Variants in MORC2 observed in about 807,000 individuals in gnomAD.
MORC2 encodes the protein MORC family CW-type zinc finger 2.
MORC2 carries 30 observed loss-of-function variants against 136.0 expected under a neutral mutation model. The ratio of observed to expected loss-of-function variants is 0.22; its 90% confidence interval spans 0.17 to 0.30. The LOEUF (loss-of-function observed/expected upper bound fraction) is 0.30. Ranked by LOEUF, MORC2 falls within the 10% of genes least tolerant of loss-of-function variation. MORC2 has a pLI of 1.00. For synonymous variants in MORC2, 439 were observed against 487.0 expected, an observed-to-expected ratio of 0.90 and a Z score of 1.30; for missense variants, 922 against 1,333.1, an observed-to-expected ratio of 0.69 and a Z score of 4.80.
intron 25 of MORC2, among the ~76,000 whole-genome samples, chr22:30,927,174 C>G (rs188565768): frequency 6.6e-6 from 1 of 152,214 alleles, no homozygotes; most frequent in Non-Finnish European, 1.5e-5. Context: ...CTGTCACTGC[C>G]CAAGGTCCAG....
chr22:30,964,665 T>A (rs370117468), intron 1 of MORC2, among the ~76,000 whole-genome samples: 1 of 152,224 alleles, frequency 6.6e-6, no homozygotes, highest in East Asian at 1.9e-4. Context: ...ACATCTGATG[T>A]TAAATTAACT....
At chr22:30,940,994 G>T (rs1265118545) in intron 9 of MORC2, among the ~76,000 whole-genome samples, 157 bp from the exon 10 acceptor site, 1 of 152,140 alleles carries the variant, frequency 6.6e-6, no homozygotes, top group Non-Finnish European at 1.5e-5. Flanking sequence ...GCAAAAAGGT[G>T]CAGTTCCTTA....
chr22:30,933,639 A>C (rs2040609325), intron 20 of MORC2, 119 bp from the exon 21 acceptor site: 2 of 1,012,130 alleles, frequency 2.0e-6, no homozygotes, highest in African/African-American at 3.2e-5. Flanking sequence ...CTACAGTTTA[A>C]ATCACCAAGC....
chr22:30,926,884 A>AG lies in MORC2; in HGVS notation c.3031-14dup, dbSNP rs1339825180. 1.2e-6 allele frequency: 2 copies of AG among 1,611,374 alleles called. No homozygotes were observed. Among genetic ancestry groups the AG allele is most frequent in the African/African-American group, 2.7e-5 (2 of 74,822 alleles). Reference sequence around the variant, plus strand: ...TGATGTCTATGTCCTGGAATAGAGCAGGGTAGGGATCAACTGGGGGCCAGA... The same window carrying AG: ...TGATGTCTATGTCCTGGAATAGAGCAGGGGTAGGGATCAACTGGGGGCCAGA... On this transcript the variant is annotated splice_polypyrimidine_tract_variant and intron_variant, in intron 25 of 25. Transcript: ENST00000397641.
chr22:30,967,385 G>A, intron 1 of MORC2: 14 of 986,740 alleles, frequency 1.4e-5, no homozygotes, highest in Non-Finnish European at 1.7e-5. Context: ...CTTGAAAGTT[G>A]TCATTTAAAT....
intron 3 of MORC2, among the ~76,000 whole-genome samples, chr22:30,952,488 G>A (rs963660476): frequency 6.6e-6 from 1 of 152,204 alleles, no homozygotes; most frequent in Non-Finnish European, 1.5e-5. Flanking sequence ...TCTGGCTCAA[G>A]GACTTCATTT....
In MORC2 at chr22:30,945,851, G is replaced by A. The variant is rs948496345; in HGVS notation, c.426+490C>T. Among the ~76,000 whole-genome samples, 46 of 152,090 alleles carry A rather than the reference G, an allele frequency of 3.0e-4. 2 individuals are homozygous for A. Among genetic ancestry groups the A allele is most frequent in the Non-Finnish European group, 2.9e-5 (2 of 68,030 alleles). On this transcript the variant is annotated intron_variant, in intron 6 of 25. Coordinates refer to ENST00000397641, the MANE Select transcript of MORC2 (RefSeq NM_001303256.3). ...CATACACTCACCTGCTTTACTACCTGCCCAGGCTCTCTCTAGGTATCTGAG... is the reference window on the plus strand; with the variant it reads ...CATACACTCACCTGCTTTACTACCTACCCAGGCTCTCTCTAGGTATCTGAG...
intron 5 of MORC2, 49 bp downstream of exon 5, chr22:30,949,703 C>T: frequency 1.4e-6 from 2 of 1,418,460 alleles, no homozygotes; most frequent in East Asian, 2.3e-5. Flanking sequence ...AGCAGGACAG[C>T]ATTGCTGGAT....
At chr22:30,949,136 T>C (rs1008447342) in intron 5 of MORC2, among the ~76,000 whole-genome samples, 7 of 152,312 alleles carry the variant, frequency 4.6e-5, no homozygotes, top group Middle Eastern at 3.4e-3. Flanking sequence ...ATTTCAGAAA[T>C]AGAAACCTTT....
In MORC2 at chr22:30,938,066, T is replaced by G; in HGVS notation, c.1213A>C (p.Met405Leu). 3 of 1,614,182 alleles carry G rather than the reference T, an allele frequency of 1.9e-6. No individual in the cohort carries two copies. The highest frequency in any genetic ancestry group is 2.5e-6 in the Non-Finnish European group (3 of 1,180,034). Reference sequence around the variant, plus strand: ...CAGCTCTCTGTGGGTAGTACTCACATGCCCCCTTCCAGCTGTGGGCCCACT... The same window carrying G: ...CAGCTCTCTGTGGGTAGTACTCACAGGCCCCCTTCCAGCTGTGGGCCCACT... Reference protein sequence around the residue: ...EKVGPQLEGGMACGGVVGVVD... With the variant: ...EKVGPQLEGGLACGGVVGVVD... Residue 405 changes from methionine to leucine, a missense_variant and splice_region_variant, in exon 13 of 26, where the codon ATG becomes CTG. Met to Leu is a conservative substitution (Grantham distance 15). Around this residue, in one of 9 missense-constraint regions of MORC2, gnomAD observed 16 missense variants for 75.6 expected, o/e 0.21. Coordinates refer to ENST00000397641, the MANE Select transcript of MORC2 (RefSeq NM_001303256.3).
At position 30,937,740 on chromosome 22, in the gene MORC2, T is replaced by C. The variant is rs1216973603; in HGVS notation, c.1370-29A>G. On this transcript the variant is annotated intron_variant, in intron 14 of 25. Transcript: ENST00000397641. This position sits in a 1 kb window ranked among gnomAD's most constrained non-coding sequence, Gnocchi z 4.7. ...GAAAGCAAACACCGATACATCATGT[T>C]AGGAGCCAGCCTCTCTCTCTCCCTA... The C allele has an allele frequency of 6.2e-7, 1 of 1,613,994 alleles. No individual in the cohort carries two copies. Among genetic ancestry groups the C allele is most frequent in the Admixed American group, 1.7e-5 (1 of 60,012 alleles).
At position 30,941,811 on chromosome 22, in the gene MORC2, C is replaced by CT; in HGVS notation, c.698+79dup. ...CAGAACACTGGGCAATGAATGTGCT[C>CT]TCCCCTCTTTCCCTGAAGCCATCTC... On this transcript the variant is annotated intron_variant, in intron 8 of 25. Coordinates refer to ENST00000397641, the MANE Select transcript of MORC2 (RefSeq NM_001303256.3). The surrounding 1 kb of genome is among the most constrained non-coding windows in gnomAD (Gnocchi z 4.6). The CT allele has an allele frequency of 7.6e-7, 1 of 1,315,024 alleles. No homozygotes were observed. The highest frequency in any genetic ancestry group is 2.3e-5 in the East Asian group (1 of 43,396). 81.5% of individuals were successfully genotyped at this position (1,315,024 alleles called of 1,614,324 possible).
chr22:30,927,897 C>T (rs2040513068), intron 25 of MORC2, 122 bp downstream of exon 25: 2 of 1,225,494 alleles, frequency 1.6e-6, no homozygotes, highest in African/African-American at 1.5e-5. Flanking sequence ...GCTGTGCAGC[C>T]AGGGTGAGAA....
chr22:30,961,109 A>T (rs1273944938), intron 1 of MORC2, among the ~76,000 whole-genome samples: 4 of 151,996 alleles, frequency 2.6e-5, no homozygotes, highest in African/African-American at 7.3e-5. Flanking sequence ...ACCTCAGGTG[A>T]TCCAGCCGCC....
intron 3 of MORC2, among the ~76,000 whole-genome samples, chr22:30,951,233 G>A (rs1195139830): frequency 6.6e-6 from 1 of 152,208 alleles, no homozygotes; most frequent in Non-Finnish European, 1.5e-5. Flanking sequence ...AACTACGGCT[G>A]CCATTCTAGT....
chr22:30,938,662 T>G (rs943148064), intron 12 of MORC2, among the ~76,000 whole-genome samples: 3 of 152,180 alleles, frequency 2.0e-5, no homozygotes, highest in Non-Finnish European at 4.4e-5. Flanking sequence ...CTCCGCACCC[T>G]GCATTCACAC....
Position 30,958,843 on chromosome 22 carries a change from A to G in MORC2, c.69-149T>C, listed in dbSNP as rs2041003573. On this transcript the variant is annotated intron_variant, in intron 1 of 25. Transcript: ENST00000397641. ...TTTTATACTACTCAAGGCTTTCCAG[A>G]GCTCCCCAACTCCCCTCAATTGTTA... 3 of 617,492 alleles carry G rather than the reference A, an allele frequency of 4.9e-6. No homozygotes were observed. In the African/African-American group the frequency reaches 5.6e-5, roughly 11 times the overall value. The allele number at this position is 617,492 out of a possible 1,614,324, so 38.3% of individuals were successfully genotyped here.
At position 30,947,744 on chromosome 22, in the gene MORC2, C is replaced by T. The variant is rs768283075; in HGVS notation, c.318-1295G>A. ...AAGCGTATGGGGAGCAAGTAAGGCA[C>T]GTTATCTTGCCTTCTGTCAAAGCAT... On this transcript the variant is annotated intron_variant, in intron 5 of 25. Coordinates refer to ENST00000397641, the MANE Select transcript of MORC2 (RefSeq NM_001303256.3). 4.6e-5 allele frequency among the ~76,000 whole-genome samples: 7 copies of T among 152,310 alleles called. No homozygotes were observed. The South Asian group carries it at 6.2e-4, about 14-fold the overall frequency.
At chr22:30,951,657 A>G (rs2040888186) in intron 3 of MORC2, among the ~76,000 whole-genome samples, 1 of 152,224 alleles carries the variant, frequency 6.6e-6, no homozygotes, top group African/African-American at 2.4e-5. Flanking sequence ...TGATTTCGGA[A>G]TCTCCCCCAA....
Sources: allele counts gnomAD v4.1 joint callset (sites outside exome capture counted in the v4.1 genomes callset), GRCh38; gene constraint gnomAD v4.1.1; regional missense constraint gnomAD v4.1.1; non-coding constraint Gnocchi (gnomAD v3.1); transcripts MANE v1.5; gene names NCBI Gene and HGNC (gene_info 2026-07-23, HGNC 2026-07-21).